PBX1: variants seen among roughly 807,000 people sequenced by gnomAD.
The protein encoded by PBX1 is pre-B-cell leukemia transcription factor 1.
A neutral mutation model predicts 53.4 loss-of-function variants in PBX1; 6 were observed. That is an observed-to-expected ratio of 0.11 (90% confidence interval 0.06 to 0.22). PBX1 has a LOEUF of 0.22. Among genes scored for constraint, PBX1 ranks in the 10% least tolerant of loss-of-function variants. The pLI is 1.00. For synonymous variants in PBX1, 204 were observed against 212.3 expected (o/e 0.96, Z 0.34); for missense variants, 251 against 551.4 (o/e 0.46, Z 5.46).
chr1:164,771,834 G>A (rs1353106217), intron 2 of PBX1, among the ~76,000 whole-genome samples: 3 of 152,274 alleles, frequency 2.0e-5, no homozygotes, highest in Non-Finnish European at 4.4e-5. Context: ...CATTAAAGCT[G>A]AAAGGAAAAA....
intron 2 of PBX1, among the ~76,000 whole-genome samples, chr1:164,752,122 A>C (rs1410317592): frequency 6.6e-6 from 1 of 151,906 alleles, no homozygotes; most frequent in African/African-American, 2.4e-5. Context: ...TCAAATGCCA[A>C]GGGAGATTTT....
rs747490519 is a variant in PBX1, at chr1:164,559,854, A to T, written c.32A>T (p.His11Leu). Residue 11 changes from histidine to leucine, a missense_variant, in exon 1 of 9, where the codon CAT (histidine) becomes CTT (leucine). Transcript: ENST00000420696. Reference sequence around the variant, plus strand: ...GAGCAGCCCAGGCTGATGCATTCCCATGCTGGGGTCGGGATGGCCGGACAC... The same window carrying T: ...GAGCAGCCCAGGCTGATGCATTCCCTTGCTGGGGTCGGGATGGCCGGACAC... MDEQPRLMHSHAGVGMAGHPG... is the reference protein window; with the variant it reads MDEQPRLMHSLAGVGMAGHPG... The T allele has an allele frequency of 1.9e-6, 3 of 1,545,928 alleles. 1 individual carries two copies. Among genetic ancestry groups the T allele is most frequent in the Middle Eastern group, 3.7e-4 (2 of 5,358 alleles).
At position 164,752,239 on chromosome 1, in the gene PBX1, TGTGTGTGC is replaced by T. The variant is rs1331036243; in HGVS notation, c.266-40254_266-40247del. On this transcript the variant is annotated intron_variant, in intron 2 of 8. Transcript: ENST00000420696. ...GTGTGTGTGTGTGTGTGTGTGTGTG[TGTGTGTGC>T]CCTCAGTGCTTAGATATGCAGGTAG... 3.1e-3 allele frequency among the ~76,000 whole-genome samples: 461 copies of T among 150,992 alleles called. 2 individuals carry two copies. The highest frequency in any genetic ancestry group is 0.011 in the African/African-American group (446 of 41,326).
chr1:164,751,824 T>C (rs182406024), intron 2 of PBX1, among the ~76,000 whole-genome samples: 45 of 152,086 alleles, frequency 3.0e-4, no homozygotes, highest in African/African-American at 1.1e-3. Context: ...TCAGGTGATT[T>C]GCCCACCTCG....
intron 2 of PBX1, among the ~76,000 whole-genome samples, chr1:164,882,260 G>A (rs763802377): frequency 6.6e-6 from 1 of 152,088 alleles, no homozygotes; most frequent in African/African-American, 2.4e-5. Flanking sequence ...CACTAAATAT[G>A]CATCTTCTGA....
intron 2 of PBX1, among the ~76,000 whole-genome samples, chr1:164,599,405 C>T (rs962650332): frequency 6.6e-6 from 1 of 151,830 alleles, no homozygotes; most frequent in Admixed American, 6.6e-5. Context: ...GGCAAATCTG[C>T]AATTGTGGGC....
In PBX1 at chr1:164,724,670, A is replaced by ATTTTTTT. The variant is rs59042806; in HGVS notation, c.266-67791_266-67785dup. On this transcript the variant is annotated intron_variant, in intron 2 of 8. Coordinates refer to ENST00000420696, the MANE Select transcript of PBX1 (RefSeq NM_002585.4). ...CAGATGCCCATTGCAATAGCTGCAG[A>ATTTTTTT]TTTTTTTTTTTTTTTTTTTTTTTTT... Among the ~76,000 whole-genome samples, 11 of 48,236 alleles carry ATTTTTTT rather than the reference A, an allele frequency of 2.3e-4. 1 individual carries two copies. Among genetic ancestry groups the ATTTTTTT allele is most frequent in the South Asian group, 1.4e-3 (2 of 1,446 alleles). The allele number at this position is 48,236 out of a possible 152,430, so 31.6% of individuals were successfully genotyped here.
At chr1:164,686,447 G>T (rs931179425) in intron 2 of PBX1, among the ~76,000 whole-genome samples, 4 of 152,156 alleles carry the variant, frequency 2.6e-5, no homozygotes, top group Admixed American at 1.3e-4. Context: ...AACAAGGACA[G>T]ATGCAGCAGA....
chr1:164,583,857 T>A (rs1654784580), intron 2 of PBX1, among the ~76,000 whole-genome samples: 1 of 152,220 alleles, frequency 6.6e-6, no homozygotes, highest in African/African-American at 2.4e-5. Context: ...TGCTTACCTC[T>A]GGGAGAAAAC....
At chr1:164,876,144 TAATA>T (rs1194497767) in intron 2 of PBX1, among the ~76,000 whole-genome samples, 1 of 151,602 alleles carries the variant, frequency 6.6e-6, no homozygotes, top group East Asian at 1.9e-4. Flanking sequence ...TTAGATGAGG[TAATA>T]AATAAATTAT....
chr1:164,749,283 T>G (rs1666068541), intron 2 of PBX1, among the ~76,000 whole-genome samples: 1 of 152,208 alleles, frequency 6.6e-6, no homozygotes, highest in African/African-American at 2.4e-5. Flanking sequence ...CTTATTCATC[T>G]TACAACTTAA....
At chr1:164,603,932 T>TCA (rs1318646762) in intron 2 of PBX1, among the ~76,000 whole-genome samples, 1 of 29,986 alleles carries the variant, frequency 3.3e-5, no homozygotes, top group African/African-American at 8.3e-5. Context: ...TCATTTCATT[T>TCA]TTTTTTTTTT....
At chr1:164,700,181 A>C (rs1408463694) in intron 2 of PBX1, among the ~76,000 whole-genome samples, 1 of 151,944 alleles carries the variant, frequency 6.6e-6, no homozygotes, top group East Asian at 1.9e-4. Flanking sequence ...CCTCTGTGGG[A>C]GCATGTGTGT....
chr1:164,677,306 A>T (rs1011849337), intron 2 of PBX1, among the ~76,000 whole-genome samples: 1 of 151,012 alleles, frequency 6.6e-6, no homozygotes, highest in Non-Finnish European at 1.5e-5. Flanking sequence ...GTTAGCCAGG[A>T]TGGTCTCGAT....
At chr1:164,707,418 T>TGAGAGAGAGAGAGA (rs528876002) in intron 2 of PBX1, among the ~76,000 whole-genome samples, 19 of 118,262 alleles carry the variant, frequency 1.6e-4, no homozygotes, top group African/African-American at 6.5e-4. Flanking sequence ...TGTGTGTGTG[T>TGAGAGAGAGAGAGA]GAGAGAGAGA....
chr1:164,607,012 A>G (rs971569180), intron 2 of PBX1, among the ~76,000 whole-genome samples: 3 of 152,254 alleles, frequency 2.0e-5, no homozygotes, highest in Non-Finnish European at 4.4e-5. Flanking sequence ...GTTGCTGAAG[A>G]GCAAGTTTGT....
chr1:164,604,679 G>C (rs1656433051), intron 2 of PBX1, among the ~76,000 whole-genome samples: 1 of 152,162 alleles, frequency 6.6e-6, no homozygotes, highest in African/African-American at 2.4e-5. Flanking sequence ...GGACTTGGCA[G>C]ACAAAATGAA....
chr1:164,775,791 G>A (rs140515431), intron 2 of PBX1, among the ~76,000 whole-genome samples: 173 of 152,280 alleles, frequency 1.1e-3, no homozygotes, highest in Middle Eastern at 3.4e-3. Context: ...GTGTAAGGAT[G>A]GGGTGAGTGC....
In PBX1 at chr1:164,786,720, T is replaced by TGTGTGTGTGTGCGC. The variant is rs1357886882; in HGVS notation, c.266-5773_266-5772insTGTGTGTGTGCGCG. On this transcript the variant is annotated intron_variant, in intron 2 of 8. Coordinates refer to ENST00000420696, the MANE Select transcript of PBX1 (RefSeq NM_002585.4). ...GTGTGTGTGTGTGTGTGTGTGTGTG[T>TGTGTGTGTGTGCGC]GCGCGCGCACACACACACACGCACA... Among the ~76,000 whole-genome samples the TGTGTGTGTGTGCGC allele has an allele frequency of 2.0e-3, 231 of 116,244 alleles. 1 individual carries two copies. The highest frequency in any genetic ancestry group is 7.4e-3 in the African/African-American group (213 of 28,794). The allele number at this position is 116,244 out of a possible 152,430, so 76.3% of individuals were successfully genotyped here. A position where few individuals can be genotyped will look rare whatever the true frequency, so the allele number is the denominator to read the frequency against.
Sources: gnomAD v4.1 joint callset for allele counts (sites outside exome capture counted in the v4.1 genomes callset) on GRCh38, gnomAD v4.1.1 for gene constraint, MANE v1.5 for transcripts, NCBI Gene and HGNC (gene_info 2026-07-23, HGNC 2026-07-21) for gene names.